TIAM1: variants seen among roughly 807,000 people sequenced by gnomAD.
TIAM1 encodes the protein rho guanine nucleotide exchange factor TIAM1.
A neutral mutation model predicts 163.5 loss-of-function variants in TIAM1; 65 were observed. That is an observed-to-expected ratio of 0.40 (90% CI 0.33 to 0.49). TIAM1 has a LOEUF of 0.49. TIAM1 is among the 20% of genes least tolerant of loss of function. The pLI is 0.77. For missense variants in TIAM1, 1,789 were observed against 2,044.7 expected (o/e 0.87, Z 2.41); for synonymous variants, 833 against 810.1 (o/e 1.03, Z -0.48).
intron 2 of TIAM1, among the ~76,000 whole-genome samples, chr21:31,408,574 G>C (rs900422146): frequency 3.3e-5 from 5 of 152,200 alleles, no homozygotes; most frequent in African/African-American, 1.2e-4. Context: ...CCACTATCAT[G>C]CTATTGCTCA....
At chr21:31,462,189 C>G (rs1055786168) in intron 2 of TIAM1, among the ~76,000 whole-genome samples, 3 of 152,198 alleles carry the variant, frequency 2.0e-5, no homozygotes, top group Non-Finnish European at 4.4e-5. Flanking sequence ...TATTTCACAA[C>G]TACTCAACTC....
intron 2 of TIAM1, among the ~76,000 whole-genome samples, chr21:31,294,216 G>A (rs1471203659): frequency 6.6e-6 from 1 of 152,202 alleles, no homozygotes; most frequent in African/African-American, 2.4e-5. Context: ...CCCTGCTCAT[G>A]ACTAATGCAT....
At chr21:31,455,187 G>T (rs766975158) in intron 2 of TIAM1, among the ~76,000 whole-genome samples, 84 of 149,366 alleles carry the variant, frequency 5.6e-4, no homozygotes, top group African/African-American at 2.0e-3. Context: ...GCTGAGGCAG[G>T]AGAACTGCTT....
intron 2 of TIAM1, among the ~76,000 whole-genome samples, chr21:31,295,124 G>A (rs1412675578): frequency 6.6e-6 from 1 of 152,154 alleles, no homozygotes; most frequent in Non-Finnish European, 1.5e-5. Context: ...TGGATGGCAT[G>A]GTTCAAGATT....
At chr21:31,383,615 G>A (rs77909871) in intron 2 of TIAM1, among the ~76,000 whole-genome samples, 2,898 of 152,182 alleles carry the variant, frequency 0.019, 49 homozygotes, top group Middle Eastern at 0.041. Flanking sequence ...TCATTTCCAC[G>A]GACAATTCCT....
intron 15 of TIAM1, among the ~76,000 whole-genome samples, chr21:31,181,886 G>A (rs907804455): frequency 7.1e-6 from 1 of 141,200 alleles, no homozygotes; most frequent in African/African-American, 2.6e-5. Flanking sequence ...CTGGGCCCAA[G>A]CGATCCTCCT....
intron 2 of TIAM1, among the ~76,000 whole-genome samples, chr21:31,303,909 C>T (rs932228385): frequency 6.6e-6 from 1 of 151,968 alleles, no homozygotes; most frequent in Non-Finnish European, 1.5e-5. Context: ...ACCCTGGAGG[C>T]GGAGGTTGCA....
intron 3 of TIAM1, among the ~76,000 whole-genome samples, chr21:31,275,387 G>C (rs1361667298): frequency 6.6e-6 from 1 of 152,082 alleles, no homozygotes; most frequent in East Asian, 1.9e-4. Flanking sequence ...AAGAGAGTAA[G>C]GATGTGGGCA....
intron 1 of TIAM1, among the ~76,000 whole-genome samples, chr21:31,507,448 C>T (rs1455593625): frequency 6.6e-6 from 1 of 151,856 alleles, no homozygotes; most frequent in African/African-American, 2.4e-5. Context: ...CTCAAGTGAT[C>T]TGCCCACCTC....
At chr21:31,135,819 A>C in intron 23 of TIAM1, 114 bp downstream of exon 23, 1 of 936,648 alleles carries the variant, frequency 1.1e-6, no homozygotes, top group Non-Finnish European at 1.7e-6. Context: ...GACCGATTCA[A>C]GTAACTGCAA....
intron 6 of TIAM1, among the ~76,000 whole-genome samples, chr21:31,244,716 G>C (rs986316637): frequency 1.3e-5 from 2 of 152,012 alleles, no homozygotes; most frequent in African/African-American, 4.8e-5. Context: ...ACAAAGCAAG[G>C]CTTCATCTCA....
At chr21:31,356,704 C>T (rs1196300489) in intron 2 of TIAM1, among the ~76,000 whole-genome samples, 1 of 152,264 alleles carries the variant, frequency 6.6e-6, no homozygotes, top group Non-Finnish European at 1.5e-5. Context: ...CTGTGAAATA[C>T]ATTTCTGTTG....
At position 31,266,086 on chromosome 21, in the gene TIAM1, C is replaced by G; in HGVS notation, c.887G>C (p.Cys296Ser). 6.2e-7 allele frequency: 1 copy of G among 1,614,190 alleles called. No individual in the cohort carries two copies. The highest frequency in any genetic ancestry group is 8.5e-7 in the Non-Finnish European group (1 of 1,180,050). The change falls in exon 4 of 28, where the codon TGT becomes TCT. Residue 296 changes from cysteine to serine, a missense_variant. Transcript: ENST00000541036. Reference protein sequence around the residue: ...YNTLPCRKSHCLSEGATNPQI... With the variant: ...YNTLPCRKSHSLSEGATNPQI... ...TGGGTTGGTGGCACCTTCAGAGAGA[C>G]AGTGAGATTTCCTACAGGGAAGTGT...
chr21:31,170,610 C>T (rs1315442485), intron 15 of TIAM1, among the ~76,000 whole-genome samples: 1 of 152,154 alleles, frequency 6.6e-6, no homozygotes, highest in Non-Finnish European at 1.5e-5. Context: ...AAGCAGTGCA[C>T]AACAGGCTAA....
At chr21:31,253,488 A>G (rs935112332) in intron 4 of TIAM1, among the ~76,000 whole-genome samples, 1 of 152,202 alleles carries the variant, frequency 6.6e-6, no homozygotes, top group African/African-American at 2.4e-5. Context: ...CACTGTGCCC[A>G]TATCTCCACG....
intron 2 of TIAM1, chr21:31,452,322 C>G (rs2044894146): frequency 9.8e-6 from 2 of 203,090 alleles, no homozygotes; most frequent in Non-Finnish European, 9.7e-6. Context: ...ACCTATAGTC[C>G]CAGCTACTCG....
intron 6 of TIAM1, among the ~76,000 whole-genome samples, chr21:31,243,035 A>G (rs2071281380): frequency 6.6e-6 from 1 of 150,398 alleles, no homozygotes; most frequent in Non-Finnish European, 1.5e-5. Flanking sequence ...AGAAAAAAAA[A>G]TACAAAATTA....
intron 1 of TIAM1, among the ~76,000 whole-genome samples, chr21:31,522,175 C>G (rs891236702): frequency 2.6e-5 from 4 of 151,554 alleles, no homozygotes; most frequent in Non-Finnish European, 5.9e-5. Flanking sequence ...CCGGCCGGCT[C>G]TTAATAATTC....
intron 2 of TIAM1, among the ~76,000 whole-genome samples, chr21:31,394,728 T>TCTCTCTCACACACACA (rs1279053911): frequency 1.0e-5 from 1 of 95,702 alleles, no homozygotes; most frequent in African/African-American, 4.1e-5. Flanking sequence ...TCTCTCTCTC[T>TCTCTCTCACACACACA]CACACACACA....
Sources: allele counts gnomAD v4.1 joint callset (sites outside exome capture counted in the v4.1 genomes callset), GRCh38; gene constraint gnomAD v4.1.1; transcripts MANE v1.5; gene names NCBI Gene and HGNC (gene_info 2026-07-23, HGNC 2026-07-21).